Variants in PPFIA2 observed in about 807,000 individuals in gnomAD.
The protein encoded by PPFIA2 is liprin-alpha-2.
Under a neutral mutation model 175.5 loss-of-function variants are expected in PPFIA2, and 46 were observed. That is an observed-to-expected ratio of 0.26 (90% confidence interval 0.21 to 0.34). The LOEUF is 0.34. Ranked by LOEUF, PPFIA2 falls within the 10% of genes least tolerant of loss-of-function variation. The pLI, the probability that PPFIA2 is intolerant of heterozygous loss-of-function variation, is 1.00. For synonymous variants in PPFIA2, 568 were observed against 511.4 expected (o/e 1.11, Z -1.49); for missense variants, 1,179 against 1,506.1 (o/e 0.78, Z 3.60).
At chr12:81,572,698 T>C (rs117910109) in intron 4 of PPFIA2, among the ~76,000 whole-genome samples, 2 of 152,150 alleles carry the variant, frequency 1.3e-5, no homozygotes, top group Non-Finnish European at 1.5e-5. Flanking sequence ...GGTAGTTCTC[T>C]AGTAGCAATG....
chr12:81,320,961 G>A (rs925913943), intron 22 of PPFIA2, among the ~76,000 whole-genome samples: 3 of 151,792 alleles, frequency 2.0e-5, no homozygotes, highest in South Asian at 2.1e-4. Context: ...CAGTTTGAAA[G>A]AATAAGGTAG....
chr12:81,379,757 T>C (rs2037217772), intron 9 of PPFIA2, among the ~76,000 whole-genome samples: 1 of 152,158 alleles, frequency 6.6e-6, no homozygotes. Context: ...AAATTAAATT[T>C]TGGATAATTT....
chr12:81,381,792 CT>C (rs935437785), intron 9 of PPFIA2, among the ~76,000 whole-genome samples: 4 of 151,996 alleles, frequency 2.6e-5, no homozygotes, highest in East Asian at 1.9e-4. Flanking sequence ...TCATCTATCT[CT>C]TTTTTTTGTT....
intron 8 of PPFIA2, among the ~76,000 whole-genome samples, chr12:81,384,705 A>G (rs2038536857): frequency 6.6e-6 from 1 of 152,118 alleles, no homozygotes; most frequent in African/African-American, 2.4e-5. Flanking sequence ...TTTATTTTCA[A>G]TGATGCCCAG....
At chr12:81,384,285 T>G in intron 8 of PPFIA2, 41 bp from the exon 9 acceptor site, 3 of 1,269,826 alleles carry the variant, frequency 2.4e-6, no homozygotes, top group Non-Finnish European at 3.2e-6. Context: ...AGAATTTTCA[T>G]CTTTAATTTA....
chr12:81,462,570 G>GTATA (rs1254816940), intron 4 of PPFIA2, among the ~76,000 whole-genome samples: 19 of 74,160 alleles, frequency 2.6e-4, no homozygotes, highest in African/African-American at 7.7e-4. Flanking sequence ...ATATATATGT[G>GTATA]TATATATATA....
At chr12:81,336,415 T>C (rs2057146413) in intron 21 of PPFIA2, among the ~76,000 whole-genome samples, 1 of 152,062 alleles carries the variant, frequency 6.6e-6, no homozygotes, top group Non-Finnish European at 1.5e-5. Flanking sequence ...TGGGTAGGAG[T>C]TATCCATACA....
intron 6 of PPFIA2, 131 bp from the exon 7 acceptor site, chr12:81,440,177 C>A: frequency 1.8e-6 from 1 of 553,616 alleles, no homozygotes; most frequent in Non-Finnish European, 3.0e-6. Context: ...CCTGCGTGCT[C>A]AGAATACTAA....
At chr12:81,401,805 G>A (rs1326178484) in intron 8 of PPFIA2, among the ~76,000 whole-genome samples, 2 of 152,112 alleles carry the variant, frequency 1.3e-5, no homozygotes, top group African/African-American at 2.4e-5. Context: ...ATAGGAAAAA[G>A]TTATTAGAGC....
intron 4 of PPFIA2, among the ~76,000 whole-genome samples, chr12:81,630,097 T>C (rs954143354): frequency 2.6e-5 from 4 of 152,150 alleles, no homozygotes; most frequent in Non-Finnish European, 4.4e-5. Context: ...GGGAGACTCT[T>C]GCAGTTGGAA....
At chr12:81,286,738 A>G (rs1345313543) in intron 24 of PPFIA2, among the ~76,000 whole-genome samples, 1 of 152,042 alleles carries the variant, frequency 6.6e-6, no homozygotes, top group Non-Finnish European at 1.5e-5. Flanking sequence ...CATAATTATA[A>G]GCAAATTCGA....
intron 3 of PPFIA2, among the ~76,000 whole-genome samples, chr12:81,740,672 AAAT>A (rs2082213765): frequency 1.3e-5 from 2 of 152,176 alleles, no homozygotes; most frequent in Non-Finnish European, 1.5e-5. Context: ...AGATTCATAA[AAAT>A]AAATGAATCA....
At chr12:81,442,559 C>T (rs1295429822) in intron 6 of PPFIA2, among the ~76,000 whole-genome samples, 1 of 151,594 alleles carries the variant, frequency 6.6e-6, no homozygotes, top group African/African-American at 2.4e-5. Flanking sequence ...AATTGAAAAA[C>T]ACAAGTATAT....
At chr12:81,520,877 G>A (rs1393651843) in intron 4 of PPFIA2, among the ~76,000 whole-genome samples, 1 of 152,184 alleles carries the variant, frequency 6.6e-6, no homozygotes, top group Non-Finnish European at 1.5e-5. Context: ...TTTATACCAT[G>A]CAGTGCCTGG....
chr12:81,389,194 T>TTA (rs965530409), intron 8 of PPFIA2, among the ~76,000 whole-genome samples: 20 of 147,992 alleles, frequency 1.4e-4, no homozygotes, highest in Admixed American at 2.0e-4. Context: ...TACACATATA[T>TTA]TATATATATA....
At chr12:81,371,359 T>C (rs1283350105) in intron 11 of PPFIA2, among the ~76,000 whole-genome samples, 1 of 151,708 alleles carries the variant, frequency 6.6e-6, no homozygotes, top group Non-Finnish European at 1.5e-5. Context: ...TTATATAATC[T>C]AAATTCATAA....
intron 4 of PPFIA2, among the ~76,000 whole-genome samples, chr12:81,591,074 T>A (rs1026853205): frequency 6.6e-6 from 1 of 152,142 alleles, no homozygotes; most frequent in East Asian, 1.9e-4. Context: ...GATAATGATA[T>A]GGACAATAAA....
chr12:81,354,902 C>T (rs1362939654), intron 16 of PPFIA2, among the ~76,000 whole-genome samples: 1 of 152,142 alleles, frequency 6.6e-6, no homozygotes, highest in Admixed American at 6.5e-5. Flanking sequence ...CTCAGCCTCT[C>T]AAAGTGCTGG....
At chr12:81,670,432 A>G (rs948621550) in intron 4 of PPFIA2, among the ~76,000 whole-genome samples, 1 of 151,816 alleles carries the variant, frequency 6.6e-6, no homozygotes, top group Admixed American at 6.6e-5. Flanking sequence ...TTCATCACCC[A>G]TGTCTATGAC....
Sources: allele counts gnomAD v4.1 joint callset (sites outside exome capture counted in the v4.1 genomes callset), GRCh38; gene constraint gnomAD v4.1.1; transcripts MANE v1.5; gene names NCBI Gene and HGNC (gene_info 2026-07-23, HGNC 2026-07-21).